Variants in PIWIL1 observed in about 807,000 individuals in gnomAD.
PIWIL1 encodes the protein piwi like RNA-mediated gene silencing 1, also known as piwi-like protein 1.
In PIWIL1, 73 loss-of-function variants were observed where a neutral mutation model predicts 114.4. That is an observed-to-expected ratio of 0.64 (90% confidence interval 0.53 to 0.78). PIWIL1 has a LOEUF of 0.78. Ranked by LOEUF, PIWIL1 falls within the 30% of genes least tolerant of loss-of-function variation. The pLI, the probability that PIWIL1 is intolerant of heterozygous loss-of-function variation, is 0.00. For missense variants in PIWIL1, 723 were observed against 1,063.1 expected (o/e 0.68, Z 4.45); for synonymous variants, 375 against 369.0 (o/e 1.02, Z -0.19).
chr12:130,372,597 C>CAAAAAAAAAAAAAAAAAAAAAAAAAAAA (rs60262232), exon 21 of PIWIL1: 1 of 67,882 alleles, frequency 1.5e-5, no homozygotes, highest in African/African-American at 6.9e-5. Context: ...GACTCCGTCT[C>CAAAAAAAAAAAAAAAAAAAAAAAAAAAA]AAAAAAAAAA....
the PIWIL1 span, among the ~76,000 whole-genome samples, chr12:130,423,730 G>GA: frequency 2.0e-5 from 2 of 101,190 alleles, no homozygotes; most frequent in African/African-American, 7.8e-5. Flanking sequence ...AGAAAGCAAT[G>GA]AAAAAAACTC....
chr12:130,408,433 A>G, the PIWIL1 span, among the ~76,000 whole-genome samples: 5 of 152,288 alleles, frequency 3.3e-5, no homozygotes, highest in South Asian at 1.0e-3. Context: ...GGCCGTAGAG[A>G]AGATCCCAGC....
the PIWIL1 span, among the ~76,000 whole-genome samples, chr12:130,395,304 A>G: frequency 1.3e-5 from 2 of 152,172 alleles, no homozygotes; most frequent in African/African-American, 4.8e-5. Flanking sequence ...TCTTATCATC[A>G]CCAGAAAAGG....
At position 130,367,259 on chromosome 12, in the gene PIWIL1, G is replaced by GT; in HGVS notation, c.2321+2dup. 1 of 1,611,442 alleles carries GT rather than the reference G, an allele frequency of 6.2e-7. No individual in the cohort carries two copies. The highest frequency in any genetic ancestry group is 8.5e-7 in the Non-Finnish European group (1 of 1,177,958). ...ATGTAGAGGTTACCAGACCAGAATG[G>GT]TAAGTTCCATGTGATGAGCTGAAGG... On this transcript the variant is annotated splice_donor_variant, in intron 19 of 20. Transcript: ENST00000245255. LOFTEE classifies it high-confidence loss of function.
chr12:130,378,913 C>A, the PIWIL1 span, among the ~76,000 whole-genome samples: 62 of 152,270 alleles, frequency 4.1e-4, 1 homozygote, highest in South Asian at 9.5e-3. Context: ...GTTTTGCTTT[C>A]TTAAGTATCA....
chr12:130,414,278 T>C, the PIWIL1 span: 2 of 1,605,600 alleles, frequency 1.2e-6, no homozygotes, highest in Non-Finnish European at 8.5e-7. Flanking sequence ...CATAGAAGTC[T>C]GGAGAAAGGC....
chr12:130,408,821 T>C, the PIWIL1 span, among the ~76,000 whole-genome samples: 12 of 152,356 alleles, frequency 7.9e-5, no homozygotes, highest in African/African-American at 2.9e-4. Context: ...GGCAAATATC[T>C]CAACGGCAAC....
At chr12:130,407,666 C>A in the PIWIL1 span, 2 of 1,353,194 alleles carry the variant, frequency 1.5e-6, no homozygotes, top group Non-Finnish European at 2.1e-6. Context: ...GTGTGGTGTA[C>A]CACGAGGGAA....
the PIWIL1 span, among the ~76,000 whole-genome samples, chr12:130,405,939 A>G: frequency 6.6e-6 from 1 of 152,232 alleles, no homozygotes; most frequent in South Asian, 2.1e-4. Context: ...GTGCATATAC[A>G]TTGAAAACAC....
At chr12:130,391,875 TC>T in the PIWIL1 span, among the ~76,000 whole-genome samples, 1 of 151,534 alleles carries the variant, frequency 6.6e-6, no homozygotes. Context: ...CGAGAGCCTT[TC>T]CCCCTAGTCA....
intron 14 of PIWIL1, among the ~76,000 whole-genome samples, chr12:130,357,797 T>A (rs1875191693): frequency 6.6e-6 from 1 of 152,214 alleles, no homozygotes; most frequent in Non-Finnish European, 1.5e-5. Context: ...CCATCTTCAA[T>A]TTATTCAGAC....
At chr12:130,351,894 C>G (rs1271969586) in intron 9 of PIWIL1, among the ~76,000 whole-genome samples, 1 of 152,168 alleles carries the variant, frequency 6.6e-6, no homozygotes, top group Non-Finnish European at 1.5e-5. Context: ...CCCTTCCCCC[C>G]AGAAGTGATG....
intron 1 of PIWIL1, chr12:130,339,762 A>C (rs899279217): frequency 6.6e-6 from 1 of 152,174 alleles, no homozygotes; most frequent in Non-Finnish European, 1.5e-5. Context: ...GATGAGAATC[A>C]GCTGGAGGGC....
intron 16 of PIWIL1, 115 bp from the exon 17 acceptor site, chr12:130,362,651 A>G: frequency 2.4e-6 from 2 of 845,684 alleles, no homozygotes; most frequent in Non-Finnish European, 3.8e-6. Context: ...AGATGTCTTT[A>G]AGGCAGTTAC....
chr12:130,338,099 C>A lies in PIWIL1; in HGVS notation c.-60C>A. ...CGGGAGCCGTTGGGGCTGTTGGCCTCGGGCTGAGGTGCAAGGACCAGGACT... is the reference window on the plus strand; with the variant it reads ...CGGGAGCCGTTGGGGCTGTTGGCCTAGGGCTGAGGTGCAAGGACCAGGACT... On this transcript the variant is annotated 5_prime_UTR_variant, in exon 1 of 21. Coordinates refer to ENST00000245255, the MANE Select transcript of PIWIL1 (RefSeq NM_004764.5). The A allele has an allele frequency of 4.6e-6, 1 of 217,512 alleles. No individual in the cohort carries two copies. The highest frequency in any genetic ancestry group is 9.2e-6 in the Non-Finnish European group (1 of 109,038). 13.5% of individuals were successfully genotyped at this position (217,512 alleles called of 1,614,324 possible).
intron 13 of PIWIL1, 122 bp from the exon 14 acceptor site, chr12:130,357,359 G>T: frequency 2.7e-6 from 2 of 743,434 alleles, no homozygotes; most frequent in South Asian, 1.8e-5. Flanking sequence ...TGAATGGCTA[G>T]TCTCGGTGTT....
chr12:130,373,356 A>G (rs985318610), downstream of PIWIL1, among the ~76,000 whole-genome samples: 5 of 152,208 alleles, frequency 3.3e-5, no homozygotes, highest in African/African-American at 1.2e-4. Flanking sequence ...AGCAGGTCTC[A>G]GCTCTGCCTC....
intron 14 of PIWIL1, 92 bp downstream of exon 14, chr12:130,357,645 C>A: frequency 1.3e-6 from 1 of 786,688 alleles, no homozygotes; most frequent in Non-Finnish European, 2.2e-6. Context: ...GTTCTTTTTT[C>A]AAATGTTAAT....
the PIWIL1 span, among the ~76,000 whole-genome samples, chr12:130,408,594 C>A: frequency 6.6e-6 from 1 of 152,186 alleles, no homozygotes; most frequent in Non-Finnish European, 1.5e-5. Context: ...GCGCTCCACA[C>A]AGATAACAGG....
Sources: gnomAD v4.1 joint callset for allele counts (sites outside exome capture counted in the v4.1 genomes callset) on GRCh38, gnomAD v4.1.1 for gene constraint, MANE v1.5 for transcripts, NCBI Gene and HGNC (gene_info 2026-07-23, HGNC 2026-07-21) for gene names.